CORIN: variants seen among roughly 807,000 people sequenced by gnomAD.
CORIN encodes the protein corin, serine peptidase.
In CORIN, 117 loss-of-function variants were observed where a neutral mutation model predicts 125.3. The ratio of observed to expected loss-of-function variants is 0.93; its 90% confidence interval spans 0.80 to 1.09. The LOEUF (loss-of-function observed/expected upper bound fraction) is 1.09, where lower values mean the gene tolerates loss of function less well. CORIN is among the 50% of genes least tolerant of loss of function. CORIN has a pLI of 0.00. For missense variants in CORIN, 1,253 were observed against 1,306.7 expected, an observed-to-expected ratio of 0.96 and a Z score of 0.63; for synonymous variants, 450 against 466.4, an observed-to-expected ratio of 0.96 and a Z score of 0.45.
chr4:47,690,308 G>A (rs192931259), intron 6 of CORIN, among the ~76,000 whole-genome samples: 45 of 152,314 alleles, frequency 3.0e-4, no homozygotes, highest in East Asian at 3.9e-4. Context: ...CAAATTTAGC[G>A]AATCATGGGC....
chr4:47,820,975 G>A (rs985096153), intron 1 of CORIN, among the ~76,000 whole-genome samples: 45 of 152,154 alleles, frequency 3.0e-4, no homozygotes, highest in African/African-American at 9.9e-4. Context: ...GGTGGCTCAC[G>A]CCTGTCATCC....
chr4:47,616,014 TG>T (rs1168273266), intron 19 of CORIN, among the ~76,000 whole-genome samples: 3 of 152,096 alleles, frequency 2.0e-5, no homozygotes, highest in Non-Finnish European at 4.4e-5. Context: ...TTTACTGAGA[TG>T]GGGGAAGTTT....
intron 12 of CORIN, among the ~76,000 whole-genome samples, chr4:47,655,595 A>G (rs2109648956): frequency 6.6e-6 from 1 of 152,250 alleles, no homozygotes; most frequent in African/African-American, 2.4e-5. Flanking sequence ...GCACTCTTCC[A>G]TTACCTCTCT....
At chr4:47,793,945 A>G (rs1191068208) in intron 2 of CORIN, among the ~76,000 whole-genome samples, 1 of 152,160 alleles carries the variant, frequency 6.6e-6, no homozygotes, top group Non-Finnish European at 1.5e-5. Flanking sequence ...ACACTTGAGA[A>G]CAAGGCTTTA....
chr4:47,725,544 G>A (rs1333393358), intron 5 of CORIN, among the ~76,000 whole-genome samples: 1 of 152,004 alleles, frequency 6.6e-6, no homozygotes, highest in African/African-American at 2.4e-5. Flanking sequence ...TTTAACAAAT[G>A]TGTCTGGAAC....
At position 47,804,627 on chromosome 4, in the gene CORIN, T is replaced by C. The variant is rs192072608; in HGVS notation, c.208+2276A>G. On this transcript the variant is annotated intron_variant, in intron 2 of 21. Transcript: ENST00000273857. Reference sequence around the variant, plus strand: ...GACATAGAAAGACAAACTTCACATGTTCTCACTTATTTTAGGGGCTAAAAA... The same window carrying C: ...GACATAGAAAGACAAACTTCACATGCTCTCACTTATTTTAGGGGCTAAAAA... Among the ~76,000 whole-genome samples the C allele has an allele frequency of 1.4e-3, 219 of 151,194 alleles. 1 individual carries two copies. The highest frequency in any genetic ancestry group is 3.4e-3 in the Middle Eastern group (1 of 292).
intron 12 of CORIN, 130 bp from the exon 13 acceptor site, chr4:47,653,790 G>T: frequency 1.4e-6 from 1 of 724,038 alleles, no homozygotes; most frequent in South Asian, 1.9e-5. Flanking sequence ...AAACGAAATA[G>T]CCATTTTGCT....
chr4:47,764,853 T>C (rs1577902991), intron 3 of CORIN, among the ~76,000 whole-genome samples: 1 of 152,214 alleles, frequency 6.6e-6, no homozygotes, highest in Admixed American at 6.5e-5. Flanking sequence ...CACCTTTTTA[T>C]CAGTTTTAAT....
chr4:47,628,436 A>ATG (rs1722672427), intron 16 of CORIN, among the ~76,000 whole-genome samples: 2 of 127,726 alleles, frequency 1.6e-5, no homozygotes, highest in African/African-American at 6.3e-5. Context: ...CCACATAGTT[A>ATG]CGTGTGTGTG....
intron 21 of CORIN, 79 bp from the exon 22 acceptor site, chr4:47,595,982 T>A: frequency 8.3e-7 from 1 of 1,209,118 alleles, no homozygotes; most frequent in Non-Finnish European, 1.1e-6. Context: ...GAGGATACTA[T>A]AAAGCTAAAC....
chr4:47,737,405 C>T (rs1487483312), intron 5 of CORIN, among the ~76,000 whole-genome samples: 1 of 152,150 alleles, frequency 6.6e-6, no homozygotes, highest in African/African-American at 2.4e-5. Flanking sequence ...TCGGGTTTTG[C>T]CTCAGCTGTG....
chr4:47,822,039 T>TA (rs1732538524), intron 1 of CORIN, among the ~76,000 whole-genome samples: 1 of 152,080 alleles, frequency 6.6e-6, no homozygotes, highest in Non-Finnish European at 1.5e-5. Context: ...ATATTAACAG[T>TA]ATACTAAATT....
chr4:47,770,042 C>G (rs184615119), intron 3 of CORIN, among the ~76,000 whole-genome samples: 1,858 of 151,956 alleles, frequency 0.012, 11 homozygotes, highest in Non-Finnish European at 0.02. Flanking sequence ...AAGCTTCTTC[C>G]CAGGAAACAG....
chr4:47,680,050 G>T, intron 8 of CORIN, 91 bp downstream of exon 8: 1 of 752,820 alleles, frequency 1.3e-6, no homozygotes. Context: ...TGTGTATATA[G>T]TGAGTCTTAA....
At chr4:47,746,456 T>C (rs895593041) in intron 4 of CORIN, among the ~76,000 whole-genome samples, 1 of 152,306 alleles carries the variant, frequency 6.6e-6, no homozygotes, top group South Asian at 2.1e-4. Flanking sequence ...CTCGGGCAGA[T>C]TGACCCAGGA....
chr4:47,689,569 A>C (rs941449278), intron 6 of CORIN, among the ~76,000 whole-genome samples: 15 of 152,202 alleles, frequency 9.9e-5, no homozygotes, highest in Non-Finnish European at 7.3e-5. Flanking sequence ...TATGTGTCAT[A>C]AAATGTGTGA....
At chr4:47,705,840 A>C (rs2109767261) in intron 5 of CORIN, among the ~76,000 whole-genome samples, 1 of 150,094 alleles carries the variant, frequency 6.7e-6, no homozygotes, top group Admixed American at 6.6e-5. Context: ...ATATTTGTGA[A>C]GTGCCCCCCG....
intron 5 of CORIN, among the ~76,000 whole-genome samples, chr4:47,731,988 T>C (rs1392931480): frequency 6.6e-6 from 1 of 152,148 alleles, no homozygotes; most frequent in Non-Finnish European, 1.5e-5. Flanking sequence ...AAGGAGTTTT[T>C]CTTGAGAGGT....
intron 2 of CORIN, among the ~76,000 whole-genome samples, chr4:47,802,301 A>T (rs762026836): frequency 1.3e-5 from 2 of 152,216 alleles, no homozygotes; most frequent in Non-Finnish European, 1.5e-5. Flanking sequence ...GGCACCAACC[A>T]GGCTCTTAGG....
Sources: allele counts gnomAD v4.1 joint callset (sites outside exome capture counted in the v4.1 genomes callset), GRCh38; gene constraint gnomAD v4.1.1; transcripts MANE v1.5; gene names NCBI Gene and HGNC (gene_info 2026-07-23, HGNC 2026-07-21).